Variants in NEBL observed in about 807,000 individuals in gnomAD.
The protein encoded by NEBL is LIM and SH3 protein 2.
A neutral mutation model predicts 140.2 loss-of-function variants in NEBL; 122 were observed. The observed-to-expected ratio is 0.87, with a 90% CI of 0.75 to 1.01. The LOEUF (loss-of-function observed/expected upper bound fraction) is 1.01. NEBL is among the 50% of genes least tolerant of loss of function. NEBL has a pLI of 0.00. For synonymous variants in NEBL, 436 were observed against 398.9 expected (o/e 1.09, Z -1.11); for missense variants, 1,365 against 1,231.3 (o/e 1.11, Z -1.62).
intron 2 of NEBL, among the ~76,000 whole-genome samples, chr10:21,159,384 G>A (rs1054091875): frequency 3.9e-5 from 6 of 152,090 alleles, no homozygotes; most frequent in African/African-American, 7.2e-5. Context: ...CCCCTACACC[G>A]TTTGAAGGTT....
At chr10:20,962,716 C>T (rs1212815189) in intron 3 of NEBL, among the ~76,000 whole-genome samples, 1 of 152,076 alleles carries the variant, frequency 6.6e-6, no homozygotes, top group Non-Finnish European at 1.5e-5. Flanking sequence ...AATTTGGAAA[C>T]ATATTTTGAT....
chr10:21,139,756 G>A (rs1839526095), intron 2 of NEBL, among the ~76,000 whole-genome samples: 1 of 152,060 alleles, frequency 6.6e-6, no homozygotes, highest in Non-Finnish European at 1.5e-5. Flanking sequence ...ACCTTGGGAA[G>A]GTACGGAATT....
At chr10:21,168,017 G>A (rs554671278) in intron 2 of NEBL, among the ~76,000 whole-genome samples, 3 of 152,082 alleles carry the variant, frequency 2.0e-5, no homozygotes, top group Non-Finnish European at 2.9e-5. Context: ...TGGGTATTAC[G>A]CCCAATCTTA....
At chr10:21,110,708 G>A (rs1837962044) in intron 2 of NEBL, 1 of 494,732 alleles carries the variant, frequency 2.0e-6, no homozygotes, top group Non-Finnish European at 4.0e-6. Context: ...ACATGGACAT[G>A]AGCCCCCTGA....
chr10:20,832,875 G>A (rs1270360828), intron 14 of NEBL, among the ~76,000 whole-genome samples: 1 of 152,094 alleles, frequency 6.6e-6, no homozygotes, highest in African/African-American at 2.4e-5. Flanking sequence ...ACATAATTAT[G>A]TTTAACTTTC....
chr10:20,987,716 C>A (rs186775858), intron 3 of NEBL, among the ~76,000 whole-genome samples: 2 of 152,180 alleles, frequency 1.3e-5, no homozygotes, highest in African/African-American at 4.8e-5. Flanking sequence ...CCAAGGCTAA[C>A]TTCTGCATGG....
chr10:21,111,357 C>T (rs655662), intron 2 of NEBL, among the ~76,000 whole-genome samples: 5,897 of 150,578 alleles, frequency 0.039, 268 homozygotes, highest in East Asian at 0.23. Flanking sequence ...TACAAGGCTA[C>T]AGTAAAAACA....
At chr10:21,017,826 T>G (rs1039933117) in intron 3 of NEBL, among the ~76,000 whole-genome samples, 1 of 151,836 alleles carries the variant, frequency 6.6e-6, no homozygotes, top group Non-Finnish European at 1.5e-5. Context: ...CTTCTCTTTT[T>G]TTTTTTTTTT....
At chr10:20,919,607 T>G (rs561047030) in intron 4 of NEBL, among the ~76,000 whole-genome samples, 6 of 152,218 alleles carry the variant, frequency 3.9e-5, no homozygotes, top group Admixed American at 3.9e-4. Context: ...GGACAACCCC[T>G]TAATAAATAA....
intron 3 of NEBL, among the ~76,000 whole-genome samples, chr10:21,225,992 G>C (rs1166285512): frequency 6.6e-6 from 1 of 152,062 alleles, no homozygotes; most frequent in Non-Finnish European, 1.5e-5. Context: ...AATGTGCTGG[G>C]TCACACCTGA....
At chr10:21,198,244 A>G (rs1841682960) in intron 3 of NEBL, among the ~76,000 whole-genome samples, 1 of 152,136 alleles carries the variant, frequency 6.6e-6, no homozygotes, top group South Asian at 2.1e-4. Flanking sequence ...CTCTTAGCTC[A>G]TGAGAAAACT....
intron 2 of NEBL, among the ~76,000 whole-genome samples, chr10:21,165,217 A>T (rs763549453): frequency 6.6e-6 from 1 of 152,228 alleles, no homozygotes; most frequent in Non-Finnish European, 1.5e-5. Context: ...AATTTAACCC[A>T]GAAGGAAATA....
chr10:21,292,171 T>A (rs376564288), intron 1 of NEBL, among the ~76,000 whole-genome samples: 1 of 152,188 alleles, frequency 6.6e-6, no homozygotes, highest in Admixed American at 6.5e-5. Context: ...TTCAAGGAAG[T>A]CTTTCATCAA....
chr10:21,098,443 C>G (rs1837305837), intron 2 of NEBL, among the ~76,000 whole-genome samples: 1 of 152,136 alleles, frequency 6.6e-6, no homozygotes, highest in Non-Finnish European at 1.5e-5. Flanking sequence ...ACTCAGGAAA[C>G]CCAATGGTAT....
chr10:21,034,167 G>GAAAAAAAAAAAAAAAAAAAAAAAA, intron 2 of NEBL, among the ~76,000 whole-genome samples: 1 of 33,494 alleles, frequency 3.0e-5, no homozygotes, highest in Non-Finnish European at 7.1e-5. Flanking sequence ...ACCCTATCTC[G>GAAAAAAAAAAAAAAAAAAAAAAAA]AAAAAAAAAA....
intron 4 of NEBL, among the ~76,000 whole-genome samples, chr10:20,936,530 G>A (rs1490603345): frequency 6.6e-6 from 1 of 152,180 alleles, no homozygotes. Flanking sequence ...AACTATGTCT[G>A]TTCCCCACTT....
At chr10:20,835,481 G>A in intron 14 of NEBL, 32 bp downstream of exon 14, 1 of 1,471,006 alleles carries the variant, frequency 6.8e-7, no homozygotes, top group Non-Finnish European at 9.5e-7. Flanking sequence ...CAAAATATGA[G>A]TCTTAAGGCC....
chr10:20,811,643 T>C (rs150415348), intron 24 of NEBL, among the ~76,000 whole-genome samples: 21 of 152,380 alleles, frequency 1.4e-4, no homozygotes, highest in African/African-American at 4.8e-4. Context: ...AGTGCTGCTC[T>C]GACTTTAGCA....
intron 3 of NEBL, among the ~76,000 whole-genome samples, chr10:20,987,893 C>G (rs1837316341): frequency 6.6e-6 from 1 of 152,172 alleles, no homozygotes; most frequent in Non-Finnish European, 1.5e-5. Flanking sequence ...GAATTGCCCA[C>G]CAGTCTCCAC....
Sources: allele counts gnomAD v4.1 joint callset (sites outside exome capture counted in the v4.1 genomes callset), GRCh38; gene constraint gnomAD v4.1.1; transcripts MANE v1.5; gene names NCBI Gene and HGNC (gene_info 2026-07-23, HGNC 2026-07-21).